Variants in TCEANC2 observed in about 807,000 individuals in gnomAD.
The protein encoded by TCEANC2 is transcription elongation factor A N-terminal and central domain-containing protein 2.
In TCEANC2, 20 loss-of-function variants were observed where a neutral mutation model predicts 22.8. That is an observed-to-expected ratio of 0.88 (90% CI 0.62 to 1.28). The LOEUF (loss-of-function observed/expected upper bound fraction) is 1.28. Ranked by LOEUF, TCEANC2 falls within the 50% of genes most tolerant of loss-of-function variation. TCEANC2 has a pLI of 0.00. For missense variants in TCEANC2, 251 were observed against 249.7 expected (o/e 1.01, Z -0.03); for synonymous variants, 84 against 95.5 (o/e 0.88, Z 0.70).
rs978239040 is a variant in TCEANC2 at position 54,103,568 on chromosome 1, G to T, written c.*7095G>T. On this transcript the variant is annotated 3_prime_UTR_variant, in exon 5 of 5. Transcript: ENST00000234827. The stretch of plus-strand genomic sequence containing the variant: ...GGGATTATAATTCGAGTTAAGATTT[G>T]TGTGGAGACACAGAGCCAAACCATA... The T allele has an allele frequency of 6.6e-6, 1 of 152,184 alleles. No individual in the cohort carries two copies. Among genetic ancestry groups the T allele is most frequent in the Non-Finnish European group, 1.5e-5 (1 of 68,052 alleles). 9.4% of individuals were successfully genotyped at this position (152,184 alleles called of 1,614,324 possible). A position where few individuals can be genotyped will look rare whatever the true frequency, so the allele number is the denominator to read the frequency against.
chr1:54,081,616 A>G (rs1034409295), intron 3 of TCEANC2, among the ~76,000 whole-genome samples: 5 of 152,088 alleles, frequency 3.3e-5, no homozygotes, highest in Non-Finnish European at 4.4e-5. Context: ...GTTTTTGTCT[A>G]GTAGAGGGTT....
chr1:54,067,702 C>A (rs1272432396), intron 2 of TCEANC2, among the ~76,000 whole-genome samples: 3 of 152,146 alleles, frequency 2.0e-5, no homozygotes, highest in Non-Finnish European at 4.4e-5. Flanking sequence ...GAAGCAGACA[C>A]CAGCCAAGGG....
At chr1:54,107,732 A>G (rs1365154305), downstream of TCEANC2, among the ~76,000 whole-genome samples, 1 of 152,220 alleles carries the variant, frequency 6.6e-6, no homozygotes, top group Non-Finnish European at 1.5e-5. Flanking sequence ...TAAATGCAGA[A>G]AACATACACA....
intron 3 of TCEANC2, 152 bp from the exon 4 acceptor site, chr1:54,088,445 T>A: frequency 1.8e-6 from 1 of 545,786 alleles, no homozygotes; most frequent in Non-Finnish European, 3.2e-6. Context: ...ATTATCTTAG[T>A]CCTTGTGAAA....
chr1:54,065,170 C>T (rs2100359196), intron 2 of TCEANC2, among the ~76,000 whole-genome samples: 1 of 151,960 alleles, frequency 6.6e-6, no homozygotes, highest in East Asian at 1.9e-4. Flanking sequence ...AGAACTTGTC[C>T]AATGAAAAAA....
chr1:54,077,725 G>A (rs941720870), intron 3 of TCEANC2, among the ~76,000 whole-genome samples: 1 of 152,094 alleles, frequency 6.6e-6, no homozygotes, highest in East Asian at 1.9e-4. Flanking sequence ...GCATACAGCA[G>A]GAGCTCAGGA....
downstream of TCEANC2, among the ~76,000 whole-genome samples, chr1:54,108,341 T>A (rs1421585541): frequency 6.6e-6 from 1 of 152,182 alleles, no homozygotes; most frequent in Non-Finnish European, 1.5e-5. Context: ...TCACCCCCAG[T>A]ACCCCAGAAT....
At chr1:54,055,489 C>A (rs565190050) in intron 2 of TCEANC2, among the ~76,000 whole-genome samples, 1 of 152,292 alleles carries the variant, frequency 6.6e-6, no homozygotes, top group South Asian at 2.1e-4. Flanking sequence ...TTTACCAATT[C>A]TTCTTCCTCC....
At chr1:54,061,552 T>C (rs550608091) in intron 2 of TCEANC2, among the ~76,000 whole-genome samples, 1 of 152,202 alleles carries the variant, frequency 6.6e-6, no homozygotes, top group Non-Finnish European at 1.5e-5. Context: ...AACTAATGCT[T>C]TACATATATT....
chr1:54,106,117 G>A (rs1334734517), downstream of TCEANC2: 1 of 152,174 alleles, frequency 6.6e-6, no homozygotes, highest in African/African-American at 2.4e-5. Context: ...ATGGGCCTTA[G>A]CATGCCAAAA....
intron 1 of TCEANC2, chr1:54,054,133 A>G (rs747064911): frequency 1.0e-4 from 77 of 762,044 alleles, no homozygotes; most frequent in South Asian, 3.4e-4. Flanking sequence ...CAATGTTGGA[A>G]TCCTCGCTAG....
chr1:54,056,312 C>CT (rs113892636), intron 2 of TCEANC2, among the ~76,000 whole-genome samples: 29 of 149,718 alleles, frequency 1.9e-4, no homozygotes, highest in African/African-American at 5.3e-4. Flanking sequence ...CTTTTCTTTT[C>CT]TTTTCTTTTT....
chr1:54,092,876 C>CAGG (rs1658474642), intron 4 of TCEANC2, among the ~76,000 whole-genome samples: 9 of 148,120 alleles, frequency 6.1e-5, no homozygotes, highest in East Asian at 5.8e-4. Context: ...CCAGAATTAG[C>CAGG]TGTATAACAC....
At chr1:54,110,904 A>T (rs1570039351), downstream of TCEANC2, 1 of 152,176 alleles carries the variant, frequency 6.6e-6, no homozygotes, top group South Asian at 2.1e-4. Flanking sequence ...AGAGAGGCCT[A>T]CCCTGGCCAC....
At chr1:54,094,025 G>A (rs537129351) in intron 4 of TCEANC2, among the ~76,000 whole-genome samples, 5 of 152,252 alleles carry the variant, frequency 3.3e-5, no homozygotes, top group East Asian at 1.9e-4. Context: ...TTCAGTGCCC[G>A]GAAAGGAAGC....
chr1:54,075,000 GAAT>G (rs1658122276), intron 3 of TCEANC2, among the ~76,000 whole-genome samples: 1 of 152,180 alleles, frequency 6.6e-6, no homozygotes, highest in Admixed American at 6.5e-5. Flanking sequence ...TAGTGTAGGA[GAAT>G]AATAACAGGG....
rs1415079448 is a variant in TCEANC2, at chr1:54,105,246, G to A, written c.*8773G>A. The A allele has an allele frequency of 1.3e-5, 2 of 152,562 alleles. No individual in the cohort carries two copies. The highest frequency in any genetic ancestry group is 3.8e-4 in the East Asian group (2 of 5,200). The allele number at this position is 152,562 out of a possible 1,614,324, so 9.5% of individuals were successfully genotyped here. ...CTGGGCCTCTTCCCACAGCTACTGGGAGTGCTCTCAGCCAGCAGCCTTCAG... is the reference window on the plus strand; with the variant it reads ...CTGGGCCTCTTCCCACAGCTACTGGAAGTGCTCTCAGCCAGCAGCCTTCAG... On this transcript the variant is annotated 3_prime_UTR_variant, in exon 5 of 5. Coordinates refer to ENST00000234827, the MANE Select transcript of TCEANC2 (RefSeq NM_153035.3).
At position 54,060,181 on chromosome 1, in the gene TCEANC2, G is replaced by C. The variant is rs557913115; in HGVS notation, c.102+5657G>C. On this transcript the variant is annotated intron_variant, in intron 2 of 4. Transcript: ENST00000234827. ...CCAGCACTTTGGGAGGCTGAGGCGGGTGGATCATGAGGTCAGGAGTTTGAG... is the reference window on the plus strand; with the variant it reads ...CCAGCACTTTGGGAGGCTGAGGCGGCTGGATCATGAGGTCAGGAGTTTGAG... 7.2e-5 allele frequency among the ~76,000 whole-genome samples: 11 copies of C among 152,272 alleles called. No individual in the cohort carries two copies. The East Asian group carries it at 2.1e-3, about 29-fold the overall frequency.
Position 54,104,659 on chromosome 1 carries a change from A to G in TCEANC2, c.*8186A>G, listed in dbSNP as rs775058847. 4.7e-6 allele frequency: 2 copies of G among 427,598 alleles called. No individual in the cohort carries two copies. Among genetic ancestry groups the G allele is most frequent in the Non-Finnish European group, 9.6e-6 (2 of 207,922 alleles). The allele number at this position is 427,598 out of a possible 1,614,324, so 26.5% of individuals were successfully genotyped here. ...TGGGTTCAAGCTATTCTCCTGCCTCAGCCTCCCGAGTAACTGGGATTACAG... is the reference window on the plus strand; with the variant it reads ...TGGGTTCAAGCTATTCTCCTGCCTCGGCCTCCCGAGTAACTGGGATTACAG... On this transcript the variant is annotated 3_prime_UTR_variant, in exon 5 of 5. Transcript: ENST00000234827.
Sources: allele counts gnomAD v4.1 joint callset (sites outside exome capture counted in the v4.1 genomes callset), GRCh38; gene constraint gnomAD v4.1.1; transcripts MANE v1.5; gene names NCBI Gene and HGNC (gene_info 2026-07-23, HGNC 2026-07-21).